Variants in PDE6A observed in about 807,000 individuals in gnomAD.
PDE6A encodes the protein rod cGMP-specific 3',5'-cyclic phosphodiesterase subunit alpha.
PDE6A carries 84 observed loss-of-function variants against 106.3 expected under a neutral mutation model. The ratio of observed to expected loss-of-function variants is 0.79; its 90% CI spans 0.66 to 0.95. The LOEUF (loss-of-function observed/expected upper bound fraction) is 0.95. PDE6A is among the 40% of genes least tolerant of loss of function. PDE6A has a pLI of 0.00. For missense variants in PDE6A, 1,052 were observed against 1,084.9 expected (o/e 0.97, Z 0.43); for synonymous variants, 394 against 386.6 (o/e 1.02, Z -0.23).
intron 20 of PDE6A, among the ~76,000 whole-genome samples, chr5:149,865,314 G>A (rs1054356225): frequency 2.6e-5 from 4 of 151,686 alleles, no homozygotes; most frequent in Non-Finnish European, 4.4e-5. Context: ...GAAGGCTGAG[G>A]TGGGAGGATC....
chr5:149,900,375 G>GTATATATATATATATATATATATATATA (rs55680278), intron 8 of PDE6A, among the ~76,000 whole-genome samples: 868 of 82,396 alleles, frequency 0.011, 75 homozygotes, highest in East Asian at 0.019. Flanking sequence ...AAATATATAT[G>GTATATATATATATATATATATATATATA]TATATATATA....
intron 8 of PDE6A, among the ~76,000 whole-genome samples, chr5:149,903,284 T>A (rs922217063): frequency 6.0e-5 from 9 of 150,404 alleles, no homozygotes; most frequent in Non-Finnish European, 3.0e-5. Context: ...CTTTTGTATA[T>A]TATATATTGT....
Position 149,921,717 on chromosome 5 carries a change from T to G in PDE6A, c.859-8A>C, listed in dbSNP as rs781733760. The G allele has an allele frequency of 7.5e-6, 12 of 1,609,414 alleles. No individual in the cohort carries two copies. Among genetic ancestry groups the G allele is most frequent in the Non-Finnish European group, 1.0e-5 (12 of 1,176,026 alleles). ...CCACACATCAAAAAATTCCTAGGAA[T>G]GAGAAAAACAATAATTACATGTTTT... On this transcript the variant is annotated splice_region_variant and splice_polypyrimidine_tract_variant and intron_variant, in intron 4 of 21. Coordinates refer to ENST00000255266, the MANE Select transcript of PDE6A (RefSeq NM_000440.3).
chr5:149,923,427 G>A lies in PDE6A; in HGVS notation c.859-1718C>T, dbSNP rs541595738. Among the ~76,000 whole-genome samples the A allele has an allele frequency of 1.4e-3, 211 of 152,220 alleles. 1 individual carries two copies. The highest frequency in any genetic ancestry group is 3.2e-3 in the Admixed American group (49 of 15,278). ...GCAGGAGAATCACTTGAACCCGGGA[G>A]GGGGAGGTTGCAGTGAGCTGAGATT... On this transcript the variant is annotated intron_variant, in intron 4 of 21. Coordinates refer to ENST00000255266, the MANE Select transcript of PDE6A (RefSeq NM_000440.3).
intron 3 of PDE6A, chr5:149,932,166 A>T: frequency 8.1e-7 from 1 of 1,232,574 alleles, no homozygotes; most frequent in Non-Finnish European, 1.2e-6. Context: ...AGCTGCATCT[A>T]CAACAGTCAG....
At chr5:149,861,643 CTA>C (rs1315872587) in intron 21 of PDE6A, among the ~76,000 whole-genome samples, 1 of 152,074 alleles carries the variant, frequency 6.6e-6, no homozygotes, top group Admixed American at 6.5e-5. Flanking sequence ...AAGCAAGACT[CTA>C]TCTCCAAAAA....
At chr5:149,907,189 G>T (rs967337180) in intron 7 of PDE6A, 123 bp downstream of exon 7, 3 of 810,962 alleles carry the variant, frequency 3.7e-6, no homozygotes, top group Non-Finnish European at 6.6e-6. Flanking sequence ...AGAAACAAGA[G>T]AATTAGGCTT....
chr5:149,925,224 A>T lies in PDE6A; in HGVS notation c.859-3515T>A, dbSNP rs185991604. ...GATCATAGAAATAGGTCCATAGAAG[A>T]TGCCTATAAATATTATAGCTTTCAG... On this transcript the variant is annotated intron_variant, in intron 4 of 21. Transcript: ENST00000255266. 2.2e-3 allele frequency among the ~76,000 whole-genome samples: 339 copies of T among 152,326 alleles called. 5 individuals carry two copies. The highest frequency in any genetic ancestry group is 7.5e-3 in the African/African-American group (310 of 41,570).
At chr5:149,921,517 G>A in intron 5 of PDE6A, 118 bp downstream of exon 5, 5 of 747,740 alleles carry the variant, frequency 6.7e-6, no homozygotes. Context: ...AACTTCAAAG[G>A]AGACAACCCA....
chr5:149,925,980 A>C (rs1359058232), intron 4 of PDE6A, among the ~76,000 whole-genome samples: 2 of 151,970 alleles, frequency 1.3e-5, no homozygotes, highest in African/African-American at 2.4e-5. Flanking sequence ...GGTGGCTCAC[A>C]CCTGTAATCC....
rs373452105 is a variant in PDE6A, at chr5:149,944,436, T to C, written c.238A>G (p.Asn80Asp). 8 of 1,613,992 alleles carry C rather than the reference T, an allele frequency of 5.0e-6. No homozygotes were observed. The highest frequency in any genetic ancestry group is 6.8e-6 in the Non-Finnish European group (8 of 1,180,012). The change falls in exon 1 of 22, where the codon AAT becomes GAT. Residue 80 changes from asparagine (N) to aspartate (D), a missense_variant. Asn to Asp is a conservative substitution (Grantham distance 23). Around this residue, in one of 3 missense-constraint regions of PDE6A, gnomAD observed 913 missense variants for 915.2 expected, o/e 1.00. Coordinates refer to ENST00000255266, the MANE Select transcript of PDE6A (RefSeq NM_000440.3). Reference sequence around the variant, plus strand: ...AGGAAGCACAGCTTCTTCATGACATTGAAGATGCATTTCTCTGTCTGTAAA... The same window carrying C: ...AGGAAGCACAGCTTCTTCATGACATCGAAGATGCATTTCTCTGTCTGTAAA... ...ENLQTEKCIFNVMKKLCFLLQ... is the reference protein window; with the variant it reads ...ENLQTEKCIFDVMKKLCFLLQ...
chr5:149,903,755 A>T, intron 7 of PDE6A, 60 bp from the exon 8 acceptor site: 1 of 1,228,338 alleles, frequency 8.1e-7, no homozygotes, highest in South Asian at 1.2e-5. Flanking sequence ...TGCCCAGTGA[A>T]GCACTGTATA....
At position 149,898,423 on chromosome 5, in the gene PDE6A, A is replaced by T; in HGVS notation, c.1347T>A (p.Ile449=). 6.2e-7 allele frequency: 1 copy of T among 1,613,536 alleles called. No homozygotes were observed. Among genetic ancestry groups the T allele is most frequent in the Non-Finnish European group, 8.5e-7 (1 of 1,179,472 alleles). Residue 449 remains isoleucine (I), a synonymous_variant, in exon 10 of 22, where the codon ATT becomes ATA. Transcript: ENST00000255266. ...CATGATATTTTACTATGTCCTGGAA[A>T]ATATCCTTCCTATTTTCAAGTTTAT... is the stretch of plus-strand genomic sequence containing the variant. ...SMNKLENRKD[I]FQDIVKYHVK...
At chr5:149,932,478 T>C (rs1420344717) in intron 3 of PDE6A, 1 of 1,403,330 alleles carries the variant, frequency 7.1e-7, no homozygotes, top group Non-Finnish European at 1.0e-6. Context: ...AACATCCTCA[T>C]TATTTCCTGC....
At chr5:149,900,540 A>G (rs985164029) in intron 8 of PDE6A, among the ~76,000 whole-genome samples, 1 of 151,710 alleles carries the variant, frequency 6.6e-6, no homozygotes, top group African/African-American at 2.4e-5. Flanking sequence ...GTTCTCTAAG[A>G]GAGTTACATT....
At chr5:149,870,787 A>C (rs1230787028) in intron 17 of PDE6A, among the ~76,000 whole-genome samples, 2 of 151,592 alleles carry the variant, frequency 1.3e-5, no homozygotes, top group East Asian at 3.8e-4. Context: ...AAAAAAAAAA[A>C]AAAAACTGTC....
intron 16 of PDE6A, 56 bp from the exon 17 acceptor site, chr5:149,883,592 G>A (rs376182220): frequency 9.6e-6 from 11 of 1,151,516 alleles, no homozygotes; most frequent in East Asian, 4.8e-5. Flanking sequence ...GGCAACACCT[G>A]AGCTGCTAAC....
chr5:149,905,284 T>G (rs1753140757), intron 7 of PDE6A, among the ~76,000 whole-genome samples: 1 of 152,124 alleles, frequency 6.6e-6, no homozygotes. Context: ...GTCCACTGCC[T>G]GTCTCCCTCT....
intron 10 of PDE6A, 122 bp from the exon 11 acceptor site, chr5:149,896,898 C>G: frequency 9.3e-7 from 1 of 1,072,046 alleles, no homozygotes; most frequent in South Asian, 1.3e-5. Flanking sequence ...AAAGAGGATT[C>G]CATTTAACAT....
Sources: allele counts gnomAD v4.1 joint callset (sites outside exome capture counted in the v4.1 genomes callset), GRCh38; gene constraint gnomAD v4.1.1; regional missense constraint gnomAD v4.1.1; transcripts MANE v1.5; gene names NCBI Gene and HGNC (gene_info 2026-07-23, HGNC 2026-07-21).